The following EPHA6 variants were observed in gnomAD, a reference collection of about 807,000 sequenced individuals.
EPHA6 encodes EPH receptor A6.
EPHA6 carries 50 observed loss-of-function variants against 112.0 expected under a neutral mutation model. The ratio of observed to expected loss-of-function variants is 0.45; its 90% CI spans 0.36 to 0.56. The LOEUF (loss-of-function observed/expected upper bound fraction) is 0.56. Among genes scored for constraint, EPHA6 ranks in the 20% least tolerant of loss-of-function variants. The pLI is 0.00. For synonymous variants in EPHA6, 529 were observed against 490.7 expected (o/e 1.08, Z -1.03); for missense variants, 1,280 against 1,417.4 (o/e 0.90, Z 1.56).
intron 3 of EPHA6, among the ~76,000 whole-genome samples, chr3:97,169,131 G>T (rs879847613): frequency 1.3e-5 from 2 of 152,120 alleles, no homozygotes; most frequent in African/African-American, 2.4e-5. Context: ...TTCCTTCAGC[G>T]TTGAAAGAGG....
intron 2 of EPHA6, among the ~76,000 whole-genome samples, chr3:96,980,749 T>C (rs914828461): frequency 1.3e-5 from 2 of 152,216 alleles, no homozygotes; most frequent in Non-Finnish European, 2.9e-5. Context: ...GTATTTCTTT[T>C]TGAAGAGGTT....
intron 10 of EPHA6, among the ~76,000 whole-genome samples, chr3:97,509,468 A>G (rs923901786): frequency 6.6e-6 from 1 of 152,110 alleles, no homozygotes; most frequent in Non-Finnish European, 1.5e-5. Flanking sequence ...TGGATATGAA[A>G]TTCTTCGTTG....
At chr3:97,716,026 T>G (rs527262983) in intron 14 of EPHA6, among the ~76,000 whole-genome samples, 3 of 152,372 alleles carry the variant, frequency 2.0e-5, no homozygotes, top group Admixed American at 2.0e-4. Context: ...ATTAGCATCT[T>G]TGGTAATTTT....
intron 3 of EPHA6, among the ~76,000 whole-genome samples, chr3:97,152,330 C>T (rs1340710697): frequency 1.3e-5 from 2 of 151,614 alleles, no homozygotes; most frequent in East Asian, 1.9e-4. Flanking sequence ...TTCACTTCTG[C>T]AACAGCTCTG....
At chr3:97,338,201 A>G (rs556548833) in intron 5 of EPHA6, among the ~76,000 whole-genome samples, 1 of 152,058 alleles carries the variant, frequency 6.6e-6, no homozygotes, top group Non-Finnish European at 1.5e-5. Flanking sequence ...ACAATTCTAT[A>G]TATCCATCTC....
chr3:97,151,799 CTT>C (rs2076177541), intron 3 of EPHA6, among the ~76,000 whole-genome samples: 1 of 151,726 alleles, frequency 6.6e-6, no homozygotes, highest in African/African-American at 2.4e-5. Flanking sequence ...ATAAATCTAA[CTT>C]TGTGGCATCA....
chr3:97,470,691 A>T (rs1224328195), intron 7 of EPHA6, among the ~76,000 whole-genome samples: 1 of 151,574 alleles, frequency 6.6e-6, no homozygotes, highest in African/African-American at 2.4e-5. Context: ...AGATGGAAAC[A>T]AACCACACTT....
chr3:97,218,688 C>A (rs894307647), intron 3 of EPHA6, among the ~76,000 whole-genome samples: 12 of 152,116 alleles, frequency 7.9e-5, no homozygotes, highest in African/African-American at 2.9e-4. Flanking sequence ...CTAACCAAAT[C>A]ATTCTGTCCC....
intron 5 of EPHA6, among the ~76,000 whole-genome samples, chr3:97,287,275 C>A (rs893076799): frequency 3.9e-5 from 6 of 151,902 alleles, no homozygotes; most frequent in African/African-American, 1.5e-4. Context: ...ACTTGGCATC[C>A]TTGTCTTGTT....
chr3:96,862,072 A>G (rs1169512109), intron 1 of EPHA6, among the ~76,000 whole-genome samples: 1 of 151,970 alleles, frequency 6.6e-6, no homozygotes, highest in Non-Finnish European at 1.5e-5. Flanking sequence ...TTAATTTGAT[A>G]ATCTAAATGT....
chr3:97,515,468 T>C (rs2092433075), intron 10 of EPHA6, among the ~76,000 whole-genome samples: 1 of 152,228 alleles, frequency 6.6e-6, no homozygotes, highest in Non-Finnish European at 1.5e-5. Flanking sequence ...ACATTTGATT[T>C]CTAACAGGAT....
chr3:97,181,491 AAAGT>A (rs2076987645), intron 3 of EPHA6, among the ~76,000 whole-genome samples: 1 of 152,156 alleles, frequency 6.6e-6, no homozygotes, highest in Non-Finnish European at 1.5e-5. Flanking sequence ...CCTAGCATGC[AAAGT>A]AAGTCATGCA....
At chr3:96,862,151 A>T (rs1313637781) in intron 1 of EPHA6, among the ~76,000 whole-genome samples, 1 of 147,212 alleles carries the variant, frequency 6.8e-6, no homozygotes, top group Non-Finnish European at 1.5e-5. Context: ...ATAAAGATAC[A>T]TGTTTGTTTA....
intron 5 of EPHA6, among the ~76,000 whole-genome samples, chr3:97,323,940 A>G (rs2082241911): frequency 1.3e-5 from 2 of 152,030 alleles, no homozygotes; most frequent in Non-Finnish European, 2.9e-5. Context: ...GTCTGAATTC[A>G]GTTCTCATGT....
At chr3:96,887,788 T>G (rs1489024670) in intron 2 of EPHA6, among the ~76,000 whole-genome samples, 2 of 150,394 alleles carry the variant, frequency 1.3e-5, no homozygotes, top group Non-Finnish European at 3.0e-5. Flanking sequence ...GGGATGGGGG[T>G]GAGATTCCCA....
At chr3:97,106,659 G>T (rs1447421492) in intron 3 of EPHA6, among the ~76,000 whole-genome samples, 1 of 152,094 alleles carries the variant, frequency 6.6e-6, no homozygotes. Context: ...CTCTGTCCTT[G>T]TGATAAGGCA....
intron 14 of EPHA6, among the ~76,000 whole-genome samples, chr3:97,691,259 C>T (rs1321277073): frequency 6.6e-6 from 1 of 152,124 alleles, no homozygotes; most frequent in Non-Finnish European, 1.5e-5. Flanking sequence ...ATATTTGTAT[C>T]CATTTAGTTT....
intron 3 of EPHA6, among the ~76,000 whole-genome samples, chr3:97,135,169 A>G (rs1294998515): frequency 2.6e-5 from 4 of 152,184 alleles, no homozygotes; most frequent in African/African-American, 7.2e-5. Flanking sequence ...GTTATGCCCA[A>G]CAACTAGCAG....
intron 3 of EPHA6, among the ~76,000 whole-genome samples, chr3:97,225,266 A>T (rs957482181): frequency 1.3e-5 from 2 of 152,154 alleles, no homozygotes; most frequent in African/African-American, 4.8e-5. Context: ...TTTTGGGCTA[A>T]TTATTAACAG....
Sources: allele counts gnomAD v4.1 joint callset (sites outside exome capture counted in the v4.1 genomes callset), GRCh38; gene constraint gnomAD v4.1.1; transcripts MANE v1.5; gene names NCBI Gene and HGNC (gene_info 2026-07-23, HGNC 2026-07-21).